Variants in SEMA3A observed in about 807,000 individuals in gnomAD.
The protein encoded by SEMA3A is semaphorin-3A.
In SEMA3A, 29 loss-of-function variants were observed where a neutral mutation model predicts 97.9. The ratio of observed to expected loss-of-function variants is 0.30; its 90% confidence interval spans 0.22 to 0.40. SEMA3A has a LOEUF of 0.40. SEMA3A is among the 10% of genes least tolerant of loss of function. SEMA3A has a pLI of 1.00. For missense variants in SEMA3A, 763 were observed against 951.3 expected, an observed-to-expected ratio of 0.80 and a Z score of 2.60; for synonymous variants, 321 against 323.7, an observed-to-expected ratio of 0.99 and a Z score of 0.09.
intron 14 of SEMA3A, among the ~76,000 whole-genome samples, chr7:83,981,119 T>G (rs796285051): frequency 2.0e-5 from 3 of 152,294 alleles, no homozygotes; most frequent in African/African-American, 7.2e-5. Context: ...TGTTTATGAC[T>G]TTCTCTGTGA....
At chr7:84,152,602 T>G (rs1584046201) in intron 1 of SEMA3A, among the ~76,000 whole-genome samples, 5 of 136,916 alleles carry the variant, frequency 3.7e-5, no homozygotes, top group African/African-American at 5.5e-5. Context: ...AGATGACGAG[T>G]TAGTGGGTGC....
chr7:83,988,706 TA>T (rs1446637628), intron 12 of SEMA3A, among the ~76,000 whole-genome samples: 1 of 151,962 alleles, frequency 6.6e-6, no homozygotes, highest in African/African-American at 2.4e-5. Flanking sequence ...TATTAGTTAT[TA>T]AATATAATAA....
intron 3 of SEMA3A, among the ~76,000 whole-genome samples, chr7:84,300,421 T>C (rs909888572): frequency 9.3e-4 from 141 of 152,180 alleles, no homozygotes; most frequent in African/African-American, 3.2e-3. Flanking sequence ...TAATTACACT[T>C]GAAAATATCA....
chr7:84,150,261 T>C (rs1036094245), intron 1 of SEMA3A, among the ~76,000 whole-genome samples: 12 of 152,180 alleles, frequency 7.9e-5, no homozygotes, highest in Admixed American at 5.9e-4. Flanking sequence ...CAGGAACAGC[T>C]CCAGTCTACA....
chr7:84,424,999 T>G (rs1170933107), intron 1 of SEMA3A, among the ~76,000 whole-genome samples: 6 of 103,728 alleles, frequency 5.8e-5, no homozygotes, highest in Non-Finnish European at 8.5e-5. Context: ...ATATTTTTAT[T>G]TATTTATATA....
In SEMA3A at chr7:83,956,206, CTA is replaced by C. The variant is rs1788275297; in HGVS notation, c.*5163_*5164del. 1 of 152,144 alleles carries C rather than the reference CTA, an allele frequency of 6.6e-6. No homozygotes were observed. Among genetic ancestry groups the C allele is most frequent in the Admixed American group, 6.5e-5 (1 of 15,268 alleles). 9.4% of individuals were successfully genotyped at this position (152,144 alleles called of 1,614,324 possible). On this transcript the variant is annotated 3_prime_UTR_variant, in exon 17 of 17. Transcript: ENST00000265362. The stretch of plus-strand genomic sequence containing the variant: ...CAAATGCAGACTTCACATTTTAATG[CTA>C]TCTTTGCTGAAGTCTTGTTTGTGAG...
chr7:84,012,112 A>G (rs1021756167), intron 7 of SEMA3A, among the ~76,000 whole-genome samples: 1 of 152,184 alleles, frequency 6.6e-6, no homozygotes, highest in African/African-American at 2.4e-5. Flanking sequence ...GGTCCAAGAT[A>G]TAAAATTTCA....
chr7:84,094,362 A>C (rs1794687621), intron 4 of SEMA3A, among the ~76,000 whole-genome samples: 1 of 151,090 alleles, frequency 6.6e-6, no homozygotes, highest in Non-Finnish European at 1.5e-5. Context: ...ACTTGCACTG[A>C]TCTTAAACAG....
chr7:84,356,523 T>C (rs1215361856), intron 2 of SEMA3A, among the ~76,000 whole-genome samples: 1 of 151,616 alleles, frequency 6.6e-6, no homozygotes, highest in Non-Finnish European at 1.5e-5. Context: ...TTTCTCTAAT[T>C]ATAAGCAGTG....
At chr7:84,369,927 G>A (rs566694272) in intron 2 of SEMA3A, among the ~76,000 whole-genome samples, 33 of 150,794 alleles carry the variant, frequency 2.2e-4, no homozygotes, top group African/African-American at 8.0e-4. Context: ...CTAGGTAGAG[G>A]CTGGACCTGT....
At chr7:84,349,852 A>G (rs1420816000) in intron 2 of SEMA3A, among the ~76,000 whole-genome samples, 4 of 152,070 alleles carry the variant, frequency 2.6e-5, no homozygotes, top group East Asian at 1.9e-4. Flanking sequence ...TCTCATATAT[A>G]TCTATGACTT....
chr7:84,159,690 A>G (rs554560727), intron 1 of SEMA3A, among the ~76,000 whole-genome samples: 8 of 152,114 alleles, frequency 5.3e-5, no homozygotes, highest in African/African-American at 1.9e-4. Context: ...TAATGATACT[A>G]TAATTCAATC....
intron 3 of SEMA3A, among the ~76,000 whole-genome samples, chr7:84,289,455 C>T (rs185507501): frequency 5.1e-4 from 78 of 151,852 alleles, no homozygotes; most frequent in East Asian, 2.5e-3. Flanking sequence ...ACTATATACA[C>T]GTATAAAAAT....
At chr7:84,017,023 C>A (rs1791131413) in intron 6 of SEMA3A, among the ~76,000 whole-genome samples, 1 of 152,120 alleles carries the variant, frequency 6.6e-6, no homozygotes, top group South Asian at 2.1e-4. Context: ...ATTCAGTTGC[C>A]TTTTATTAGA....
chr7:84,182,479 T>C (rs934001564), intron 1 of SEMA3A, among the ~76,000 whole-genome samples: 6 of 152,144 alleles, frequency 3.9e-5, no homozygotes, highest in African/African-American at 1.2e-4. Flanking sequence ...AGAACATAAA[T>C]TGGAACTTAC....
At chr7:84,210,288 T>A (rs548256320) in intron 3 of SEMA3A, among the ~76,000 whole-genome samples, 8 of 152,182 alleles carry the variant, frequency 5.3e-5, no homozygotes, top group African/African-American at 1.9e-4. Flanking sequence ...ATAACACAGA[T>A]GATAGGCGCT....
intron 2 of SEMA3A, among the ~76,000 whole-genome samples, chr7:84,369,201 T>C (rs1802919306): frequency 6.6e-6 from 1 of 151,028 alleles, no homozygotes; most frequent in Non-Finnish European, 1.5e-5. Flanking sequence ...GAATTTGGGA[T>C]GTCTGGAATC....
chr7:84,313,315 G>C (rs1308159073), intron 2 of SEMA3A, among the ~76,000 whole-genome samples: 2 of 122,140 alleles, frequency 1.6e-5, no homozygotes, highest in Admixed American at 1.8e-4. Context: ...TATTATATAC[G>C]TGTGTATATA....
intron 1 of SEMA3A, among the ~76,000 whole-genome samples, chr7:84,449,747 C>T (rs1317740705): frequency 1.3e-5 from 2 of 152,092 alleles, no homozygotes; most frequent in Non-Finnish European, 2.9e-5. Flanking sequence ...TTCCCCCTCA[C>T]CATGTCCTCT....
Sources: allele counts gnomAD v4.1 joint callset (sites outside exome capture counted in the v4.1 genomes callset), GRCh38; gene constraint gnomAD v4.1.1; transcripts MANE v1.5; gene names NCBI Gene and HGNC (gene_info 2026-07-23, HGNC 2026-07-21).